Variants in CLIC6 observed in about 807,000 individuals in gnomAD.
CLIC6 encodes the protein chloride intracellular channel protein 6.
Under a neutral mutation model 49.2 loss-of-function variants are expected in CLIC6, and 39 were observed. The ratio of observed to expected loss-of-function variants is 0.79; its 90% CI spans 0.61 to 1.04. The LOEUF (loss-of-function observed/expected upper bound fraction) is 1.04. Ranked by LOEUF, CLIC6 falls within the 50% of genes least tolerant of loss-of-function variation. The probability of loss-of-function intolerance (pLI) is 0.00; values close to 1 mark genes in which losing one functional copy is unlikely to be tolerated. For missense variants in CLIC6, 988 were observed against 993.1 expected (o/e 0.99, Z 0.07); for synonymous variants, 446 against 433.4 (o/e 1.03, Z -0.36).
rs146836697 is a variant in CLIC6 at position 34,676,225 on chromosome 21, C to T, written c.1374+5463C>T. On this transcript the variant is annotated intron_variant, in intron 1 of 5. Transcript: ENST00000349499. ...GTCATGTGAATGTATTGTGTCCTTT[C>T]GGACACCTAGATAAAACCTAGAAGT... Among the ~76,000 whole-genome samples, 498 of 152,274 alleles carry T rather than the reference C, an allele frequency of 3.3e-3. 3 individuals carry two copies. The highest frequency in any genetic ancestry group is 0.011 in the African/African-American group (475 of 41,550).
Position 34,708,811 on chromosome 21 carries a change from G to C in CLIC6, c.1717+5G>C, listed in dbSNP as rs758005410. The C allele has an allele frequency of 6.3e-7, 1 of 1,590,586 alleles. No homozygotes were observed. Among genetic ancestry groups the C allele is most frequent in the Non-Finnish European group, 8.6e-7 (1 of 1,158,690 alleles). ...CGAAGAAGGATGCAAATGAGAGTGA[G>C]TACCTCCCATCCTCCTGTTTTGTTT... On this transcript the variant is annotated splice_donor_5th_base_variant and intron_variant, in intron 4 of 5. Transcript: ENST00000349499.
Position 34,672,459 on chromosome 21 carries a change from G to C in CLIC6, c.1374+1697G>C, listed in dbSNP as rs1280631882. ...ACATTATGTACCCTCTGTCTGAATG[G>C]AGTTTCTCCTCCTCGCCCCTGTCTG... On this transcript the variant is annotated intron_variant, in intron 1 of 5. Coordinates refer to ENST00000349499, the MANE Select transcript of CLIC6 (RefSeq NM_053277.3). Among the ~76,000 whole-genome samples the C allele has an allele frequency of 2.0e-5, 3 of 152,130 alleles. No individual in the cohort carries two copies. The East Asian group carries it at 5.8e-4, about 29-fold the overall frequency.
chr21:34,707,956 C>T lies in CLIC6; in HGVS notation c.1497C>T (p.Asp499=), dbSNP rs538796200. ...TCCTCCCACCTAGGAAACCCGCAGA[C>T]CTGCAGAACCTGGCTCCCGGAACAA... The part of the protein sequence containing the change: ...TTVDLKRKPA[D]LQNLAPGTNP... The change falls in exon 3 of 6, where the codon GAC becomes GAT. Residue 499 remains aspartate (D), a synonymous_variant. Transcript: ENST00000349499. The T allele has an allele frequency of 3.7e-6, 6 of 1,614,122 alleles. 1 individual carries two copies. In the African/African-American group the frequency reaches 8.0e-5, roughly 22 times the overall value.
intron 2 of CLIC6, among the ~76,000 whole-genome samples, chr21:34,707,721 C>A (rs1377386050): frequency 6.6e-6 from 1 of 152,186 alleles, no homozygotes; most frequent in Non-Finnish European, 1.5e-5. Flanking sequence ...TGTTGATATG[C>A]CCCTTTGTGC....
chr21:34,689,842 T>C (rs1040113137), intron 1 of CLIC6, among the ~76,000 whole-genome samples: 2 of 152,216 alleles, frequency 1.3e-5, no homozygotes, highest in Non-Finnish European at 2.9e-5. Context: ...TTGTTGGCTC[T>C]CTGATGTTTC....
At chr21:34,694,700 C>A (rs1203773163) in intron 1 of CLIC6, among the ~76,000 whole-genome samples, 3 of 152,180 alleles carry the variant, frequency 2.0e-5, no homozygotes, top group Non-Finnish European at 4.4e-5. Context: ...AATTAAACAT[C>A]TTTTCTTTAT....
At chr21:34,688,542 G>A (rs1162672467) in intron 1 of CLIC6, among the ~76,000 whole-genome samples, 1 of 152,226 alleles carries the variant, frequency 6.6e-6, no homozygotes, top group African/African-American at 2.4e-5. Context: ...TTCATTGTAC[G>A]ATGGCTTGAC....
chr21:34,710,789 G>C (rs2056051379), intron 5 of CLIC6, among the ~76,000 whole-genome samples: 1 of 152,004 alleles, frequency 6.6e-6, no homozygotes, highest in Admixed American at 6.6e-5. Context: ...CTCCAGCTTG[G>C]GTGACAGAGC....
chr21:34,709,862 A>C (rs1344996642), intron 5 of CLIC6, among the ~76,000 whole-genome samples: 5 of 152,230 alleles, frequency 3.3e-5, no homozygotes, highest in Admixed American at 3.3e-4. Flanking sequence ...TGAGAATTAG[A>C]GATGAGGCTC....
rs1989478779 is a variant in CLIC6, at chr21:34,669,417, T to G, written c.29T>G (p.Val10Gly). 1.6e-6 allele frequency: 2 copies of G among 1,232,864 alleles called. No individual in the cohort carries two copies. The highest frequency in any genetic ancestry group is 1.0e-6 in the Non-Finnish European group (1 of 989,066). 76.4% of individuals were successfully genotyped at this position (1,232,864 alleles called of 1,614,324 possible). Residue 10 changes from valine to glycine, a missense_variant, in exon 1 of 6, where the codon GTT (valine) becomes GGT (glycine). This residue lies in a region of CLIC6 where 284 missense variants were observed against 278.6 expected (regional missense o/e 1.02). Transcript: ENST00000349499. Reference protein sequence around the residue: MAEAAEPEGVAPGPQGPPEV... With the variant: MAEAAEPEGGAPGPQGPPEV... ...GCCGAGGCCGCGGAGCCGGAGGGGG[T>G]TGCCCCGGGTCCCCAGGGGCCGCCG...
chr21:34,670,718 C>G lies in CLIC6; in HGVS notation c.1330C>G (p.Pro444Ala). ...GRREDGEASE[P>A]RALGQEHDIT... ...CCGGGAGGACGGAGAGGCGTCCGAG[C>G]CCCGGGCCCTGGGGCAGGAGCACGA... The change falls in exon 1 of 6, where the codon CCC becomes GCC. Residue 444 changes from proline (P) to alanine (A), a missense_variant. Around this residue, in one of 3 missense-constraint regions of CLIC6, gnomAD observed 647 missense variants for 596.9 expected, o/e 1.08. Transcript: ENST00000349499. 1 of 1,598,856 alleles carries G rather than the reference C, an allele frequency of 6.3e-7. No individual in the cohort carries two copies. The highest frequency in any genetic ancestry group is 1.1e-5 in the South Asian group (1 of 89,648).
intron 1 of CLIC6, among the ~76,000 whole-genome samples, chr21:34,684,015 A>G (rs917429031): frequency 6.6e-6 from 1 of 151,812 alleles, no homozygotes; most frequent in Non-Finnish European, 1.5e-5. Context: ...TTATCCCTCA[A>G]CTCACTGTTT....
intron 5 of CLIC6, among the ~76,000 whole-genome samples, chr21:34,714,727 A>G (rs1045062079): frequency 6.6e-6 from 1 of 152,062 alleles, no homozygotes; most frequent in African/African-American, 2.4e-5. Context: ...AAATCAAGAA[A>G]TAGAGAATTC....
Position 34,716,430 on chromosome 21 carries a change from C to A in CLIC6, c.2009C>A (p.Ala670Asp). The A allele has an allele frequency of 1.9e-6, 3 of 1,613,870 alleles. No homozygotes were observed. Among genetic ancestry groups the A allele is most frequent in the Non-Finnish European group, 2.5e-6 (3 of 1,179,846 alleles). The stretch of plus-strand genomic sequence containing the variant: ...GATGAGTTCACAAATACGTGTCCAG[C>A]TGATCAAGAGATTGAACACGCATAT... ...ARDEFTNTCPADQEIEHAYSD... is the reference protein window; with the variant it reads ...ARDEFTNTCPDDQEIEHAYSD... Residue 670 changes from alanine (A) to aspartate (D), a missense_variant, in exon 6 of 6, where the codon GCT becomes GAT. By Grantham distance (126) the Ala-to-Asp change is moderately radical. This residue lies in a region of CLIC6 where 647 missense variants were observed against 596.9 expected (regional missense o/e 1.08). Transcript: ENST00000349499.
At chr21:34,678,365 C>T (rs1157837942) in intron 1 of CLIC6, among the ~76,000 whole-genome samples, 1 of 151,722 alleles carries the variant, frequency 6.6e-6, no homozygotes, top group Non-Finnish European at 1.5e-5. Flanking sequence ...TGGCGTGAAC[C>T]CAGGAGGTGG....
At chr21:34,686,410 A>C (rs557838811) in intron 1 of CLIC6, among the ~76,000 whole-genome samples, 6 of 152,220 alleles carry the variant, frequency 3.9e-5, no homozygotes, top group African/African-American at 1.2e-4. Flanking sequence ...CAAACAAAAC[A>C]AAACAAAAAC....
At chr21:34,701,572 A>T (rs530378384) in intron 1 of CLIC6, among the ~76,000 whole-genome samples, 10 of 152,102 alleles carry the variant, frequency 6.6e-5, no homozygotes, top group East Asian at 3.9e-4. Context: ...CTATTTTTTT[A>T]AAAAAGGGAG....
chr21:34,673,868 T>G (rs1482187546), intron 1 of CLIC6, among the ~76,000 whole-genome samples: 1 of 152,162 alleles, frequency 6.6e-6, no homozygotes, highest in Non-Finnish European at 1.5e-5. Context: ...GGCTCCTTTT[T>G]TGGGCTCAGT....
intron 5 of CLIC6, among the ~76,000 whole-genome samples, chr21:34,712,778 G>C (rs1270795926): frequency 6.6e-6 from 1 of 152,206 alleles, no homozygotes; most frequent in Non-Finnish European, 1.5e-5. Context: ...AGAGAGACTA[G>C]AATTGCCCAA....
Sources: allele counts gnomAD v4.1 joint callset (sites outside exome capture counted in the v4.1 genomes callset), GRCh38; gene constraint gnomAD v4.1.1; regional missense constraint gnomAD v4.1.1; transcripts MANE v1.5; gene names NCBI Gene and HGNC (gene_info 2026-07-23, HGNC 2026-07-21).